Variants in PCGF3 observed in about 807,000 individuals in gnomAD.
The protein encoded by PCGF3 is polycomb group RING finger protein 3.
Under a neutral mutation model 33.1 loss-of-function variants are expected in PCGF3, and 7 were observed. That is an observed-to-expected ratio of 0.21 (90% CI 0.12 to 0.40). The LOEUF (loss-of-function observed/expected upper bound fraction) is 0.40. Among genes scored for constraint, PCGF3 ranks in the 10% least tolerant of loss-of-function variants. PCGF3 has a pLI of 1.00. For missense variants in PCGF3, 211 were observed against 313.3 expected (o/e 0.67, Z 2.46); for synonymous variants, 153 against 121.3 (o/e 1.26, Z -1.72).
intron 1 of PCGF3, among the ~76,000 whole-genome samples, chr4:727,631 G>A (rs899830742): frequency 1.3e-5 from 2 of 152,030 alleles, no homozygotes; most frequent in Non-Finnish European, 2.9e-5. Flanking sequence ...TTTTCTCCTT[G>A]TATCTTTTGT....
chr4:744,508 A>G, intron 7 of PCGF3, 92 bp from the exon 8 acceptor site: 1 of 974,324 alleles, frequency 1.0e-6, no homozygotes, highest in South Asian at 1.5e-5. Flanking sequence ...TAATGGAGTG[A>G]ATTTTTGACG....
intron 8 of PCGF3, chr4:757,654 C>T (rs1744827097): frequency 6.6e-6 from 1 of 152,208 alleles, no homozygotes; most frequent in South Asian, 2.1e-4. Context: ...CGTTACCTTA[C>T]ACATTCCACG....
chr4:727,233 C>CTGTTTT (rs1743367107), intron 1 of PCGF3, among the ~76,000 whole-genome samples: 1 of 61,892 alleles, frequency 1.6e-5, no homozygotes, highest in Non-Finnish European at 2.9e-5. Context: ...TAGCGAGCGT[C>CTGTTTT]TTTTTTTTTT....
rs1577441575 is a variant in PCGF3, at chr4:758,417, C to G, written c.463-2862C>G. On this transcript the variant is annotated intron_variant, in intron 8 of 10. Coordinates refer to ENST00000362003, the Ensembl canonical transcript of PCGF3. ...TCCTTCCGGACTCCGGGTCTTTCTC[C>G]CCGCGCGGCCCCTCTCCCGAGTTCT... is the stretch of plus-strand genomic sequence containing the variant. Among the ~76,000 whole-genome samples, 4 of 146,390 alleles carry G rather than the reference C, an allele frequency of 2.7e-5. No individual in the cohort carries two copies. In the East Asian group the frequency reaches 8.2e-4, roughly 30 times the overall value.
At chr4:714,923 T>TA (rs1166761255) in intron 1 of PCGF3, among the ~76,000 whole-genome samples, 1 of 152,150 alleles carries the variant, frequency 6.6e-6, no homozygotes, top group Non-Finnish European at 1.5e-5. Flanking sequence ...TGGGACCCTG[T>TA]AGACACTGAG....
At chr4:750,317 C>A (rs774904226) in intron 8 of PCGF3, among the ~76,000 whole-genome samples, 2 of 152,184 alleles carry the variant, frequency 1.3e-5, no homozygotes, top group Non-Finnish European at 2.9e-5. Flanking sequence ...CCTTCCCGGG[C>A]GGTCAGGGAG....
intron 8 of PCGF3, among the ~76,000 whole-genome samples, chr4:749,736 C>T (rs866563876): frequency 2.1e-4 from 32 of 152,244 alleles, no homozygotes; most frequent in African/African-American, 7.5e-4. Flanking sequence ...CCACCTGCCT[C>T]GGCTTCCCAA....
In PCGF3 at chr4:706,352, A is replaced by C. The variant is rs72501956; in HGVS notation, c.-190+382A>C. Among the ~76,000 whole-genome samples, 61 of 121,662 alleles carry C rather than the reference A, an allele frequency of 5.0e-4. 2 individuals carry two copies. The highest frequency in any genetic ancestry group is 1.8e-3 in the East Asian group (6 of 3,414). The allele number at this position is 121,662 out of a possible 152,430, so 79.8% of individuals were successfully genotyped here. ...GGGCTGGGACAGCAGCCCAGGCAGG[A>C]CGCAGGGAGGGCAAGACCCCAGTCC... is the stretch of plus-strand genomic sequence containing the variant. On this transcript the variant is annotated intron_variant, in intron 1 of 10. Coordinates refer to ENST00000362003, the Ensembl canonical transcript of PCGF3.
chr4:737,412 A>G (rs1000049992), intron 5 of PCGF3, 54 bp from the exon 6 acceptor site: 1 of 1,160,228 alleles, frequency 8.6e-7, no homozygotes, highest in Non-Finnish European at 1.3e-6. Context: ...AAAGTGTACA[A>G]GAATTATAGA....
intron 1 of PCGF3, among the ~76,000 whole-genome samples, chr4:714,866 A>G (rs1182761988): frequency 6.6e-6 from 1 of 152,268 alleles, no homozygotes; most frequent in Non-Finnish European, 1.5e-5. Context: ...GTCCCTTTAC[A>G]GCAGTCCATG....
At chr4:747,907 C>T (rs536440007) in intron 8 of PCGF3, among the ~76,000 whole-genome samples, 3 of 152,004 alleles carry the variant, frequency 2.0e-5, no homozygotes, top group Non-Finnish European at 4.4e-5. Flanking sequence ...ACCAGAGGAA[C>T]ACGTGCTTAG....
rs199523378 is a variant in PCGF3, at chr4:712,393, CT to C, written c.-190+6431del. ...TTCAACCTATTGTTATATTGACTTGCTTTTTTTTAAGATAAACTCTAATATT... is the reference window on the plus strand; with the variant it reads ...TTCAACCTATTGTTATATTGACTTGCTTTTTTTAAGATAAACTCTAATATT... On this transcript the variant is annotated intron_variant, in intron 1 of 10. Transcript: ENST00000362003. Among the ~76,000 whole-genome samples the C allele has an allele frequency of 8.0e-3, 1,214 of 152,106 alleles. 20 individuals carry two copies. The highest frequency in any genetic ancestry group is 0.027 in the African/African-American group (1,135 of 41,500).
intron 9 of PCGF3, among the ~76,000 whole-genome samples, chr4:763,419 C>T (rs750678733): frequency 6.6e-6 from 1 of 152,078 alleles, no homozygotes; most frequent in African/African-American, 2.4e-5. Flanking sequence ...GCCTCTGAGC[C>T]CCCAACCCAG....
At chr4:735,141 C>T (rs1027964185) in intron 5 of PCGF3, 114 bp downstream of exon 5, 4 of 1,188,052 alleles carry the variant, frequency 3.4e-6, no homozygotes, top group Non-Finnish European at 4.7e-6. Flanking sequence ...TTGGCAGCAG[C>T]CTCTCCTGAC....
chr4:707,195 G>A (rs1742343806), intron 1 of PCGF3, among the ~76,000 whole-genome samples: 2 of 143,918 alleles, frequency 1.4e-5, no homozygotes, highest in South Asian at 4.9e-4. Context: ...AAGGAGGGTC[G>A]GACCTGGCCA....
At chr4:761,659 T>C (rs1745066198) in intron 9 of PCGF3, 1 of 984,992 alleles carries the variant, frequency 1.0e-6, no homozygotes, top group African/African-American at 1.7e-5. Flanking sequence ...AGGGCGGGGA[T>C]GATGAGACTG....
At chr4:769,252 G>A (rs9992649) in exon 11 of PCGF3, 10,792 of 152,750 alleles carry the variant, frequency 0.071, 1,255 homozygotes, top group African/African-American at 0.24. Flanking sequence ...CCCGGGCTTC[G>A]CAGCCTTGCT....
chr4:763,910 T>G (rs1044416433), intron 9 of PCGF3, among the ~76,000 whole-genome samples: 1 of 152,196 alleles, frequency 6.6e-6, no homozygotes, highest in African/African-American at 2.4e-5. Context: ...AGCAGGCACA[T>G]GGGAGAAACA....
chr4:727,057 C>T (rs1006948677), intron 1 of PCGF3, among the ~76,000 whole-genome samples: 1 of 152,152 alleles, frequency 6.6e-6, no homozygotes, highest in Non-Finnish European at 1.5e-5. Context: ...TGGGCACCTG[C>T]GTTGCTCACT....
Sources: allele counts gnomAD v4.1 joint callset (sites outside exome capture counted in the v4.1 genomes callset), GRCh38; gene constraint gnomAD v4.1.1; transcripts MANE v1.5; gene names NCBI Gene and HGNC (gene_info 2026-07-23, HGNC 2026-07-21).